The following TMPRSS7 variants were observed in gnomAD, a reference collection of about 807,000 sequenced individuals.
The protein encoded by TMPRSS7 is transmembrane protease serine 7.
A neutral mutation model predicts 95.6 loss-of-function variants in TMPRSS7; 81 were observed. That is an observed-to-expected ratio of 0.85 (90% CI 0.71 to 1.02). The LOEUF is 1.02. Ranked by LOEUF, TMPRSS7 falls within the 50% of genes least tolerant of loss-of-function variation. The pLI is 0.00. For synonymous variants in TMPRSS7, 364 were observed against 337.8 expected (o/e 1.08, Z -0.85); for missense variants, 945 against 955.2 (o/e 0.99, Z 0.14).
chr3:112,041,889 C>A (rs1388106740), intron 2 of TMPRSS7, 31 bp from the exon 3 acceptor site: 1 of 1,402,398 alleles, frequency 7.1e-7, no homozygotes, highest in Non-Finnish European at 9.9e-7. Context: ...GATGGGAAAG[C>A]CTCCGAATCT....
exon 3 of TMPRSS7, chr3:112,041,965 G>T: frequency 6.4e-7 from 1 of 1,551,508 alleles, no homozygotes; most frequent in Middle Eastern, 1.7e-4. Flanking sequence ...GGGATGTTTC[G>T]CATCACCAAC....
chr3:112,047,770 GCA>G lies in TMPRSS7; in HGVS notation c.763_764del (p.His255SerfsTer47). On this transcript the variant is annotated frameshift_variant, in exon 7 of 18. Transcript: ENST00000452346. LOFTEE classifies it high-confidence loss of function. ...GCTGCTCTCAGTACTTCTATGCAGA[GCA>G]TCTGTCTCTCCACTACCCGCTGGAG... The G allele has an allele frequency of 6.2e-7, 1 of 1,614,004 alleles. No individual in the cohort carries two copies. Among genetic ancestry groups the G allele is most frequent in the Non-Finnish European group, 8.5e-7 (1 of 1,179,880 alleles).
chr3:112,039,788 A>G (rs1407054373), intron 2 of TMPRSS7: 2 of 152,246 alleles, frequency 1.3e-5, no homozygotes, highest in East Asian at 3.8e-4. Flanking sequence ...GAGTCATTTT[A>G]GCAAATTATG....
intron 11 of TMPRSS7, among the ~76,000 whole-genome samples, chr3:112,062,402 G>A (rs1233333029): frequency 6.6e-6 from 1 of 152,182 alleles, no homozygotes; most frequent in Non-Finnish European, 1.5e-5. Context: ...AATTCATACT[G>A]AAAACTACTG....
At chr3:112,051,681 A>ATCTATCTG (rs2107744809) in intron 9 of TMPRSS7, among the ~76,000 whole-genome samples, 2 of 150,428 alleles carry the variant, frequency 1.3e-5, no homozygotes, top group African/African-American at 4.9e-5. Flanking sequence ...CTATCTATCT[A>ATCTATCTG]TCTATCTATC....
exon 8 of TMPRSS7, chr3:112,049,929 A>G: frequency 1.3e-6 from 2 of 1,570,864 alleles, no homozygotes; most frequent in South Asian, 1.2e-5. Flanking sequence ...TCATATACGG[A>G]GGCTCTCAGG....
intron 9 of TMPRSS7, among the ~76,000 whole-genome samples, chr3:112,054,825 C>T (rs1205618587): frequency 6.9e-6 from 1 of 143,888 alleles, no homozygotes; most frequent in Non-Finnish European, 1.5e-5. Context: ...CTGCAAGCTC[C>T]GCCTCCCAGG....
At chr3:112,074,358 G>A (rs1218450171) in exon 14 of TMPRSS7, 1 of 1,614,100 alleles carries the variant, frequency 6.2e-7, no homozygotes, top group Non-Finnish European at 8.5e-7. Flanking sequence ...GAAACAAAAT[G>A]CAAAATGTGA....
chr3:112,047,243 A>T (rs534469651), intron 6 of TMPRSS7, among the ~76,000 whole-genome samples: 1 of 152,216 alleles, frequency 6.6e-6, no homozygotes, highest in Non-Finnish European at 1.5e-5. Flanking sequence ...TAAAAATATC[A>T]TCAGAACTCT....
intron 10 of TMPRSS7, among the ~76,000 whole-genome samples, chr3:112,061,539 G>C (rs1012499842): frequency 4.6e-5 from 7 of 152,170 alleles, no homozygotes; most frequent in African/African-American, 1.7e-4. Context: ...TGGATCATAA[G>C]TGATGGTGAG....
At chr3:112,044,393 C>A in intron 4 of TMPRSS7, 71 bp downstream of exon 4, 1 of 1,305,706 alleles carries the variant, frequency 7.7e-7, no homozygotes, top group Non-Finnish European at 1.1e-6. Flanking sequence ...TATGAAAAGG[C>A]TGAGATTCCA....
chr3:112,036,551 A>G (rs56164807), intron 1 of TMPRSS7, among the ~76,000 whole-genome samples: 32,357 of 151,318 alleles, frequency 0.21, 4,358 homozygotes, highest in Middle Eastern at 0.33. Flanking sequence ...CTGGTCAATA[A>G]GAGCAAAACT....
chr3:112,057,932 G>T (rs2073451748), intron 10 of TMPRSS7, among the ~76,000 whole-genome samples: 1 of 152,038 alleles, frequency 6.6e-6, no homozygotes, highest in Non-Finnish European at 1.5e-5. Flanking sequence ...TGCCATGTTG[G>T]CCGGGCTGGT....
intron 13 of TMPRSS7, among the ~76,000 whole-genome samples, chr3:112,072,830 G>T (rs540629405): frequency 3.9e-4 from 60 of 152,376 alleles, no homozygotes; most frequent in African/African-American, 1.3e-3. Flanking sequence ...GGACATTTGG[G>T]TTGGTTCCAA....
rs566712186 is a variant in TMPRSS7, at chr3:112,061,929, C to G, written c.1447+6C>G. Reference sequence around the variant, plus strand: ...CAGTTACAACATCAGTCAACGTAAGCCTAGGATCACCTCCTTAGGAAAACT... The same window carrying G: ...CAGTTACAACATCAGTCAACGTAAGGCTAGGATCACCTCCTTAGGAAAACT... On this transcript the variant is annotated splice_donor_region_variant and intron_variant, in intron 11 of 17. Coordinates refer to ENST00000452346, the Ensembl canonical transcript of TMPRSS7. 3 of 1,595,632 alleles carry G rather than the reference C, an allele frequency of 1.9e-6. No individual in the cohort carries two copies. Among genetic ancestry groups the G allele is most frequent in the East Asian group, 4.5e-5 (2 of 44,188 alleles).
intron 15 of TMPRSS7, among the ~76,000 whole-genome samples, chr3:112,075,996 C>G (rs1414084866): frequency 1.3e-5 from 2 of 151,992 alleles, no homozygotes; most frequent in Non-Finnish European, 2.9e-5. Flanking sequence ...TGAAGTTACA[C>G]AGTTTGGATA....
intron 10 of TMPRSS7, among the ~76,000 whole-genome samples, chr3:112,059,616 C>A (rs1014298348): frequency 2.0e-5 from 3 of 152,246 alleles, no homozygotes; most frequent in Non-Finnish European, 4.4e-5. Context: ...CCAACTCTGA[C>A]TCCAAAAGTT....
chr3:112,050,591 T>A, intron 8 of TMPRSS7, 80 bp from the exon 9 acceptor site: 1 of 569,918 alleles, frequency 1.8e-6, no homozygotes, highest in Non-Finnish European at 3.0e-6. Context: ...TGTGCCTTAG[T>A]AATTAAAGAA....
chr3:112,039,004 A>G (rs911305295), intron 2 of TMPRSS7, among the ~76,000 whole-genome samples: 2 of 152,130 alleles, frequency 1.3e-5, no homozygotes, highest in African/African-American at 4.8e-5. Flanking sequence ...TCATTTCCTC[A>G]TTCCACCCAC....
Sources: gnomAD v4.1 joint callset for allele counts (sites outside exome capture counted in the v4.1 genomes callset) on GRCh38, gnomAD v4.1.1 for gene constraint, MANE v1.5 for transcripts, NCBI Gene and HGNC (gene_info 2026-07-23, HGNC 2026-07-21) for gene names.